Variants in DCHS2 observed in about 807,000 individuals in gnomAD.
DCHS2 encodes dachsous cadherin-related 2, also known as protocadherin-23.
In DCHS2, 142 loss-of-function variants were observed where a neutral mutation model predicts 182.4. The observed-to-expected ratio is 0.78, with a 90% CI of 0.68 to 0.89. The LOEUF is 0.89. DCHS2 is among the 40% of genes least tolerant of loss of function. DCHS2 has a pLI of 0.00. For synonymous variants in DCHS2, 1,740 were observed against 1,663.3 expected, an observed-to-expected ratio of 1.05 and a Z score of -1.12; for missense variants, 4,319 against 4,198.6, an observed-to-expected ratio of 1.03 and a Z score of -0.79.
At chr4:154,382,856 G>A (rs1186615762) in intron 1 of DCHS2, among the ~76,000 whole-genome samples, 1 of 152,156 alleles carries the variant, frequency 6.6e-6, no homozygotes, top group Non-Finnish European at 1.5e-5. Flanking sequence ...AACAGATGCT[G>A]ATGAGGCTAT....
At chr4:154,458,946 A>T (rs1183208728) in intron 1 of DCHS2, among the ~76,000 whole-genome samples, 2 of 152,204 alleles carry the variant, frequency 1.3e-5, no homozygotes, top group Non-Finnish European at 2.9e-5. Context: ...GATGTACCCA[A>T]TCTTCTGATC....
chr4:154,437,914 G>A (rs1324492558), intron 1 of DCHS2, among the ~76,000 whole-genome samples: 3 of 152,234 alleles, frequency 2.0e-5, no homozygotes, highest in Non-Finnish European at 1.5e-5. Context: ...GCTCATGCCT[G>A]TAATCCCAAC....
intron 13 of DCHS2, among the ~76,000 whole-genome samples, chr4:154,295,654 A>G (rs1408826976): frequency 6.6e-6 from 1 of 152,232 alleles, no homozygotes; most frequent in Non-Finnish European, 1.5e-5. Flanking sequence ...AAATTCATAG[A>G]TTTGGGACAG....
chr4:154,237,289 A>G (rs1383097967), intron 19 of DCHS2, 130 bp from the exon 20 acceptor site: 1 of 1,199,408 alleles, frequency 8.3e-7, no homozygotes, highest in African/African-American at 1.5e-5. Flanking sequence ...GTCACAATGA[A>G]CAATGACTCC....
intron 14 of DCHS2, among the ~76,000 whole-genome samples, chr4:154,263,201 C>A (rs879502269): frequency 6.6e-6 from 1 of 151,838 alleles, no homozygotes; most frequent in Admixed American, 6.6e-5. Context: ...TTCAGAAAAC[C>A]TATACAATTA....
At chr4:154,428,764 A>G (rs372815140) in intron 1 of DCHS2, among the ~76,000 whole-genome samples, 1 of 151,676 alleles carries the variant, frequency 6.6e-6, no homozygotes, top group Non-Finnish European at 1.5e-5. Flanking sequence ...ATAGCCAGGC[A>G]TGGTGGCACG....
intron 1 of DCHS2, among the ~76,000 whole-genome samples, chr4:154,459,018 A>C (rs114911435): frequency 0.019 from 2,870 of 152,340 alleles, 93 homozygotes; most frequent in African/African-American, 0.065. Context: ...GCTTTCATCA[A>C]CTGACCCCAA....
intron 7 of DCHS2, among the ~76,000 whole-genome samples, chr4:154,327,528 T>G (rs901515076): frequency 1.1e-4 from 17 of 152,168 alleles, no homozygotes; most frequent in African/African-American, 3.6e-4. Flanking sequence ...AAGCACCAAA[T>G]GTCTTTTAAA....
intron 10 of DCHS2, 50 bp downstream of exon 10, chr4:154,315,698 T>A: frequency 3.2e-6 from 5 of 1,583,872 alleles, no homozygotes; most frequent in Non-Finnish European, 4.3e-6. Context: ...AATTATAATC[T>A]TCAATTTCTT....
intron 1 of DCHS2, among the ~76,000 whole-genome samples, chr4:154,445,573 C>T (rs1391879348): frequency 6.6e-6 from 1 of 152,240 alleles, no homozygotes; most frequent in Admixed American, 6.5e-5. Context: ...CTTTGGGAGG[C>T]CAAGGTGAGG....
chr4:154,298,836 C>A (rs751353701), intron 12 of DCHS2, 128 bp from the exon 13 acceptor site: 12 of 1,331,964 alleles, frequency 9.0e-6, no homozygotes, highest in Non-Finnish European at 1.2e-5. Flanking sequence ...TGTATCCTAG[C>A]ACTTTTGTAA....
At chr4:154,260,569 A>G (rs773956165) in intron 14 of DCHS2, among the ~76,000 whole-genome samples, 3 of 152,190 alleles carry the variant, frequency 2.0e-5, no homozygotes, top group Non-Finnish European at 4.4e-5. Flanking sequence ...TTGAATGCTT[A>G]TTAAAGAGTC....
Position 154,364,283 on chromosome 4 carries a change from A to G in DCHS2, c.2476+1927T>C, listed in dbSNP as rs76694989. Among the ~76,000 whole-genome samples, 912 of 152,314 alleles carry G rather than the reference A, an allele frequency of 6.0e-3. 4 individuals are homozygous for G. Among genetic ancestry groups the G allele is most frequent in the Non-Finnish European group, 8.8e-3 (597 of 68,030 alleles). The stretch of plus-strand genomic sequence containing the variant: ...GAGATCTCCTCTAAAAACAGAATAC[A>G]GTATAACTCATTCTTCCAGATCTTC... On this transcript the variant is annotated intron_variant, in intron 3 of 19. Coordinates refer to ENST00000357232, the MANE Select transcript of DCHS2 (RefSeq NM_001358235.2).
chr4:154,234,751 G>A lies in DCHS2; in HGVS notation c.9901C>T (p.Leu3301=). The A allele has an allele frequency of 3.1e-6, 5 of 1,614,008 alleles. No homozygotes were observed. Among genetic ancestry groups the A allele is most frequent in the Non-Finnish European group, 3.4e-6 (4 of 1,179,934 alleles). ...GGGTGTTTCGGAGGCACCTGCCCCA[G>A]GTTTACTGCCGGCATTCTTGGTGGG... ...AVPPRMPAVN[L]GQVPPKHPRS... is the part of the protein sequence containing the mutation. The change falls in exon 20 of 20, where the codon CTG becomes TTG. Residue 3301 remains leucine (L), a synonymous_variant. Coordinates refer to ENST00000357232, the MANE Select transcript of DCHS2 (RefSeq NM_001358235.2).
intron 3 of DCHS2, among the ~76,000 whole-genome samples, chr4:154,358,224 T>G (rs1351651333): frequency 3.3e-5 from 5 of 152,200 alleles, no homozygotes; most frequent in Non-Finnish European, 5.9e-5. Flanking sequence ...GTGTGTTGTT[T>G]TCCTCTCTGG....
intron 7 of DCHS2, chr4:154,322,810 GAAGT>G (rs1439989847): frequency 7.8e-6 from 2 of 255,374 alleles, no homozygotes; most frequent in Admixed American, 5.1e-5. Flanking sequence ...CATTTTTTTT[GAAGT>G]AAGTTCCAGA....
chr4:154,412,861 T>C (rs1471060040), intron 1 of DCHS2, among the ~76,000 whole-genome samples: 1 of 152,216 alleles, frequency 6.6e-6, no homozygotes, highest in Non-Finnish European at 1.5e-5. Flanking sequence ...GTAGAAAACA[T>C]GGTCTTGTTC....
chr4:154,323,164 C>G, intron 7 of DCHS2: 1 of 1,522,398 alleles, frequency 6.6e-7, no homozygotes, highest in Non-Finnish European at 8.8e-7. Context: ...GCATCTCCAA[C>G]GTGTAGCATA....
chr4:154,234,106 TG>T lies in DCHS2; in HGVS notation c.*429del, dbSNP rs1280261795. On this transcript the variant is annotated 3_prime_UTR_variant, in exon 20 of 20. Coordinates refer to ENST00000357232, the MANE Select transcript of DCHS2 (RefSeq NM_001358235.2). ...CTCTAGACTTCCCCTCTCTGCTATATGTTCTGACCTAAACTCATTCTCCATT... is the reference window on the plus strand; with the variant it reads ...CTCTAGACTTCCCCTCTCTGCTATATTTCTGACCTAAACTCATTCTCCATT... The T allele has an allele frequency of 6.5e-6, 1 of 154,580 alleles. No individual in the cohort carries two copies. Among genetic ancestry groups the T allele is most frequent in the Non-Finnish European group, 1.4e-5 (1 of 69,804 alleles). 9.6% of individuals were successfully genotyped at this position (154,580 alleles called of 1,614,324 possible). A position where few individuals can be genotyped will look rare whatever the true frequency, so the allele number is the denominator to read the frequency against.
Sources: allele counts gnomAD v4.1 joint callset (sites outside exome capture counted in the v4.1 genomes callset), GRCh38; gene constraint gnomAD v4.1.1; transcripts MANE v1.5; gene names NCBI Gene and HGNC (gene_info 2026-07-23, HGNC 2026-07-21).